The following SYT16 variants were observed in gnomAD, a reference collection of about 807,000 sequenced individuals.
SYT16 encodes the protein synaptotagmin-16.
SYT16 carries 42 observed loss-of-function variants against 61.4 expected under a neutral mutation model. That is an observed-to-expected ratio of 0.68 (90% CI 0.53 to 0.89). SYT16 has a LOEUF of 0.89. Among genes scored for constraint, SYT16 ranks in the 40% least tolerant of loss-of-function variants. The probability of loss-of-function intolerance (pLI) is 0.00; values close to 1 mark genes in which losing one functional copy is unlikely to be tolerated. For missense variants in SYT16, 804 were observed against 807.3 expected, an observed-to-expected ratio of 1.00 and a Z score of 0.05; for synonymous variants, 314 against 302.3, an observed-to-expected ratio of 1.04 and a Z score of -0.40.
At chr14:61,879,230 C>T (rs77739795) in intron 1 of SYT16, among the ~76,000 whole-genome samples, 3,272 of 152,200 alleles carry the variant, frequency 0.021, 63 homozygotes, top group Admixed American at 0.038. Flanking sequence ...TTCTCTTTGG[C>T]TTCCATAAGG....
intron 3 of SYT16, among the ~76,000 whole-genome samples, chr14:62,020,070 A>G (rs1243571762): frequency 2.6e-5 from 4 of 152,190 alleles, no homozygotes; most frequent in Non-Finnish European, 5.9e-5. Context: ...ATTTGATTTT[A>G]TCTGGGTCAC....
intron 3 of SYT16, among the ~76,000 whole-genome samples, chr14:62,067,985 C>T (rs758598744): frequency 4.0e-5 from 6 of 151,656 alleles, no homozygotes; most frequent in Non-Finnish European, 7.4e-5. Flanking sequence ...GACTCTGTCT[C>T]AAAGAAAAGA....
chr14:62,103,237 C>G lies in SYT16; in HGVS notation c.*2530C>G, dbSNP rs746964798. 17 of 152,142 alleles carry G rather than the reference C, an allele frequency of 1.1e-4. No homozygotes were observed. Among genetic ancestry groups the G allele is most frequent in the Non-Finnish European group, 2.4e-4 (16 of 68,020 alleles). The allele number at this position is 152,142 out of a possible 1,614,324, so 9.4% of individuals were successfully genotyped here. A position where few individuals can be genotyped will look rare whatever the true frequency, so the allele number is the denominator to read the frequency against. ...ACAAATGCATTTAACATGTTTTTCA[C>G]TTGAGCTTTTACATTTGGTTTTCAA... On this transcript the variant is annotated 3_prime_UTR_variant, in exon 8 of 8. Transcript: ENST00000683842.
At chr14:62,045,887 A>G (rs1173741986) in intron 3 of SYT16, among the ~76,000 whole-genome samples, 1 of 152,156 alleles carries the variant, frequency 6.6e-6, no homozygotes, top group Non-Finnish European at 1.5e-5. Flanking sequence ...AGTCTTTGCT[A>G]TTGTGAATAG....
Position 62,104,775 on chromosome 14 carries a change from T to C in SYT16, c.*4068T>C, listed in dbSNP as rs1304305127. 2.0e-5 allele frequency: 3 copies of C among 152,188 alleles called. No individual in the cohort carries two copies. The highest frequency in any genetic ancestry group is 4.4e-5 in the Non-Finnish European group (3 of 68,036). 9.4% of individuals were successfully genotyped at this position (152,188 alleles called of 1,614,324 possible). A position where few individuals can be genotyped will look rare whatever the true frequency, so the allele number is the denominator to read the frequency against. Reference sequence around the variant, plus strand: ...TGCTGTGTGGCCTTAAGAAAATTACTTAGCCAGCCTGTATCCTGGTTTCTT... The same window carrying C: ...TGCTGTGTGGCCTTAAGAAAATTACCTAGCCAGCCTGTATCCTGGTTTCTT... On this transcript the variant is annotated 3_prime_UTR_variant, in exon 8 of 8. Transcript: ENST00000683842.
chr14:62,041,070 G>A (rs566514201), intron 3 of SYT16, among the ~76,000 whole-genome samples: 2 of 152,342 alleles, frequency 1.3e-5, no homozygotes, highest in Admixed American at 1.3e-4. Context: ...TCCGATGTTT[G>A]AGGGCAGGAA....
chr14:61,921,010 C>T (rs2049315605), intron 1 of SYT16, among the ~76,000 whole-genome samples: 1 of 152,214 alleles, frequency 6.6e-6, no homozygotes, highest in South Asian at 2.1e-4. Flanking sequence ...GACCTCCAGG[C>T]TGTTGGAGGA....
chr14:61,864,129 C>G (rs1438402656), intron 1 of SYT16, among the ~76,000 whole-genome samples: 1 of 152,184 alleles, frequency 6.6e-6, no homozygotes, highest in African/African-American at 2.4e-5. Context: ...TATGAATAGA[C>G]CACAATTTGT....
At chr14:62,054,360 G>GTTGTTTTTTTTTTTTTTTTT (rs1411904235) in intron 3 of SYT16, among the ~76,000 whole-genome samples, 33 of 118,260 alleles carry the variant, frequency 2.8e-4, no homozygotes, top group East Asian at 1.0e-3. Flanking sequence ...AGTGAAGTGA[G>GTTGTTTTTTTTTTTTTTTTT]TTTTTTTTTT....
intron 1 of SYT16, among the ~76,000 whole-genome samples, chr14:61,902,197 C>G (rs139201027): frequency 6.6e-6 from 1 of 152,186 alleles, no homozygotes; most frequent in South Asian, 2.1e-4. Flanking sequence ...TCTCTATGTG[C>G]CCCTTAGGAA....
intron 3 of SYT16, among the ~76,000 whole-genome samples, chr14:62,043,938 G>A (rs1044560942): frequency 6.6e-6 from 1 of 152,160 alleles, no homozygotes; most frequent in Non-Finnish European, 1.5e-5. Context: ...CTCTCAAAGT[G>A]CTGGGATTAC....
At chr14:61,887,176 T>A (rs2047941304) in intron 1 of SYT16, among the ~76,000 whole-genome samples, 1 of 152,226 alleles carries the variant, frequency 6.6e-6, no homozygotes, top group Non-Finnish European at 1.5e-5. Flanking sequence ...AGCTCTTGGG[T>A]GACAAGGTGT....
At chr14:62,077,346 G>A (rs1037577755) in intron 5 of SYT16, among the ~76,000 whole-genome samples, 5 of 152,222 alleles carry the variant, frequency 3.3e-5, no homozygotes, top group African/African-American at 1.2e-4. Context: ...GTCTCAGCAG[G>A]AAACTGGTCG....
At chr14:61,993,939 T>A (rs1191604714) in intron 2 of SYT16, among the ~76,000 whole-genome samples, 2 of 152,144 alleles carry the variant, frequency 1.3e-5, no homozygotes, top group Non-Finnish European at 2.9e-5. Context: ...AGACAATCCC[T>A]GCCATCCAGG....
rs751501665 is a variant in SYT16 at position 62,080,997 on chromosome 14, A to G, written c.1157A>G (p.Asn386Ser). Residue 386 changes from asparagine (N) to serine (S), a missense_variant, in exon 6 of 8, where the codon AAC becomes AGC. Asn to Ser is a conservative substitution (Grantham distance 46). Transcript: ENST00000683842. ...GLPDKDRSGV[N>S]SWQVHVVLLP... ...CCAGATAAGGACCGAAGTGGTGTCA[A>G]CTCCTGGCAAGTTCATGTAGTGCTG... The G allele has an allele frequency of 1.2e-6, 2 of 1,613,206 alleles. No individual in the cohort carries two copies. Among genetic ancestry groups the G allele is most frequent in the Admixed American group, 1.7e-5 (1 of 59,900 alleles).
chr14:62,041,032 C>T (rs1264192264), intron 3 of SYT16, among the ~76,000 whole-genome samples: 1 of 152,130 alleles, frequency 6.6e-6, no homozygotes, highest in African/African-American at 2.4e-5. Flanking sequence ...GGAAGCCAGT[C>T]CGAGTTCGAA....
chr14:61,988,253 A>G (rs2052402166), intron 2 of SYT16, among the ~76,000 whole-genome samples: 2 of 152,156 alleles, frequency 1.3e-5, no homozygotes, highest in Non-Finnish European at 2.9e-5. Flanking sequence ...GTCTAATAGA[A>G]TTCATTCTTT....
At chr14:61,832,975 C>G (rs2045989450) in intron 1 of SYT16, among the ~76,000 whole-genome samples, 1 of 152,140 alleles carries the variant, frequency 6.6e-6, no homozygotes, top group African/African-American at 2.4e-5. Context: ...TGTCAATTTT[C>G]AGGTCTGCTG....
intron 1 of SYT16, among the ~76,000 whole-genome samples, chr14:61,967,272 G>T (rs1453180554): frequency 6.6e-6 from 1 of 152,214 alleles, no homozygotes; most frequent in East Asian, 1.9e-4. Flanking sequence ...TCAGTATCCA[G>T]GTCATGAAGG....
Sources: allele counts gnomAD v4.1 joint callset (sites outside exome capture counted in the v4.1 genomes callset), GRCh38; gene constraint gnomAD v4.1.1; transcripts MANE v1.5; gene names NCBI Gene and HGNC (gene_info 2026-07-23, HGNC 2026-07-21).